Variants in CARMIL1 observed in about 807,000 individuals in gnomAD.
The protein encoded by CARMIL1 is capping protein regulator and myosin 1 linker 1.
A neutral mutation model predicts 177.1 loss-of-function variants in CARMIL1; 90 were observed. That is an observed-to-expected ratio of 0.51 (90% CI 0.43 to 0.61). The LOEUF (loss-of-function observed/expected upper bound fraction) is 0.61, where lower values mean the gene tolerates loss of function less well. CARMIL1 is among the 20% of genes least tolerant of loss of function. The pLI is 0.00. For synonymous variants in CARMIL1, 577 were observed against 606.2 expected (o/e 0.95, Z 0.71); for missense variants, 1,380 against 1,667.0 (o/e 0.83, Z 3.00).
chr6:25,400,911 A>G (rs1021088222), intron 2 of CARMIL1, among the ~76,000 whole-genome samples: 58 of 152,216 alleles, frequency 3.8e-4, no homozygotes, highest in Non-Finnish European at 1.6e-4. Context: ...GCCCAGACTC[A>G]TTGAGAAGAC....
At chr6:25,479,010 G>C in intron 11 of CARMIL1, 1 of 453,226 alleles carries the variant, frequency 2.2e-6, no homozygotes, top group Non-Finnish European at 4.3e-6. Context: ...TATAGAATTG[G>C]TAGAAATGTA....
intron 33 of CARMIL1, among the ~76,000 whole-genome samples, chr6:25,601,304 G>C (rs930952007): frequency 6.6e-6 from 1 of 152,282 alleles, no homozygotes; most frequent in East Asian, 1.9e-4. Context: ...TCTAACATAG[G>C]CTTTGAAGAC....
intron 24 of CARMIL1, among the ~76,000 whole-genome samples, chr6:25,532,705 C>T (rs1807892178): frequency 6.6e-6 from 1 of 152,108 alleles, no homozygotes; most frequent in African/African-American, 2.4e-5. Flanking sequence ...TGTCTGGTGA[C>T]TTTGATTAGG....
At chr6:25,377,760 A>C (rs1186355885) in intron 2 of CARMIL1, among the ~76,000 whole-genome samples, 1 of 152,216 alleles carries the variant, frequency 6.6e-6, no homozygotes, top group Admixed American at 6.5e-5. Flanking sequence ...GAGGTCACAC[A>C]TGACTTTTCT....
At chr6:25,609,115 G>T (rs1816267673) in intron 35 of CARMIL1, among the ~76,000 whole-genome samples, 1 of 152,082 alleles carries the variant, frequency 6.6e-6, no homozygotes, top group South Asian at 2.1e-4. Context: ...CCATGGGTTG[G>T]ACAAGCTTGT....
At chr6:25,358,802 A>G (rs1457530614) in intron 2 of CARMIL1, among the ~76,000 whole-genome samples, 2 of 152,236 alleles carry the variant, frequency 1.3e-5, no homozygotes, top group Admixed American at 6.5e-5. Context: ...CTGGGAATGC[A>G]CTGCAAAACA....
intron 26 of CARMIL1, among the ~76,000 whole-genome samples, chr6:25,542,793 T>TA (rs376893718): frequency 2.0e-5 from 3 of 152,068 alleles, no homozygotes; most frequent in South Asian, 2.1e-4. Flanking sequence ...CTTTTACTAT[T>TA]AAAAAAAATA....
At chr6:25,419,643 G>T (rs917465637) in intron 2 of CARMIL1, among the ~76,000 whole-genome samples, 2 of 152,180 alleles carry the variant, frequency 1.3e-5, no homozygotes, top group Non-Finnish European at 2.9e-5. Flanking sequence ...TTTGCTCTGT[G>T]CATTATATAA....
At chr6:25,417,606 C>T (rs542369358) in intron 2 of CARMIL1, among the ~76,000 whole-genome samples, 11 of 152,286 alleles carry the variant, frequency 7.2e-5, no homozygotes, top group Admixed American at 2.0e-4. Context: ...CCTACCTTCA[C>T]GGTAACTGAT....
Position 25,593,083 on chromosome 6 carries a change from A to G in CARMIL1, c.3007-1332A>G, listed in dbSNP as rs1814474875. Among the ~76,000 whole-genome samples the G allele has an allele frequency of 2.0e-5, 3 of 151,942 alleles. No individual in the cohort carries two copies. In the South Asian group the frequency reaches 6.2e-4, roughly 32 times the overall value. ...CTGGATTTCCCACAATACCTCAAAC[A>G]CTCAAGAAGATAAGATACAGCTTTT... On this transcript the variant is annotated intron_variant, in intron 31 of 36. Transcript: ENST00000329474.
chr6:25,292,323 G>T (rs557415961), intron 2 of CARMIL1, among the ~76,000 whole-genome samples: 11 of 152,186 alleles, frequency 7.2e-5, no homozygotes, highest in African/African-American at 2.7e-4. Context: ...TTGAGCTTTA[G>T]AAAACAGCAA....
At chr6:25,294,670 G>T (rs1474323024) in intron 2 of CARMIL1, among the ~76,000 whole-genome samples, 1 of 152,184 alleles carries the variant, frequency 6.6e-6, no homozygotes, top group Non-Finnish European at 1.5e-5. Context: ...TTTGAAGAAG[G>T]TTATCATACT....
rs1294829439 is a variant in CARMIL1 at position 25,509,807 on chromosome 6, C to G, written c.1477+70C>G. ...AGCAAGTTAATAAGGGGAAAATAAT[C>G]TTCTACCCAAATCCAAACAATAGCT... On this transcript the variant is annotated intron_variant, in intron 18 of 36. Transcript: ENST00000329474. The surrounding 1 kb of genome is among the most constrained non-coding windows in gnomAD (Gnocchi z 4.1). 6.4e-6 allele frequency: 7 copies of G among 1,087,022 alleles called. No individual in the cohort carries two copies. The highest frequency in any genetic ancestry group is 9.5e-6 in the Non-Finnish European group (7 of 737,516). 67.3% of individuals were successfully genotyped at this position (1,087,022 alleles called of 1,614,324 possible).
chr6:25,292,184 C>T (rs191396799), intron 2 of CARMIL1, among the ~76,000 whole-genome samples: 104 of 152,246 alleles, frequency 6.8e-4, no homozygotes, highest in Admixed American at 3.7e-3. Flanking sequence ...GCTCTTGTAC[C>T]AGTTGTTGGG....
At chr6:25,559,040 A>G (rs182261182) in intron 29 of CARMIL1, among the ~76,000 whole-genome samples, 97 of 152,300 alleles carry the variant, frequency 6.4e-4, no homozygotes, top group African/African-American at 2.3e-3. Flanking sequence ...TCGGGATTTT[A>G]TACTATTGAT....
chr6:25,482,182 G>C lies in CARMIL1; in HGVS notation c.875-75G>C, dbSNP rs1802178519. 4 of 720,986 alleles carry C rather than the reference G, an allele frequency of 5.5e-6. No individual in the cohort carries two copies. In the Admixed American group the frequency reaches 8.5e-5, roughly 15 times the overall value. The allele number at this position is 720,986 out of a possible 1,614,324, so 44.7% of individuals were successfully genotyped here. A position where few individuals can be genotyped will look rare whatever the true frequency, so the allele number is the denominator to read the frequency against. On this transcript the variant is annotated intron_variant, in intron 11 of 36. Coordinates refer to ENST00000329474, the MANE Select transcript of CARMIL1 (RefSeq NM_017640.6). ...TCACTTCAGTCAGAATCAAAATTAA[G>C]TTAATTTTCATCCATTGTAAAAAAT...
rs534717415 is a variant in CARMIL1 at position 25,563,931 on chromosome 6, T to A, written c.2742+7081T>A. Reference sequence around the variant, plus strand: ...TTGGTAACAACCCACTAGTGAGTCATGAAATCAGTATAATGGTTGCAACCA... The same window carrying A: ...TTGGTAACAACCCACTAGTGAGTCAAGAAATCAGTATAATGGTTGCAACCA... On this transcript the variant is annotated intron_variant, in intron 29 of 36. Transcript: ENST00000329474. 3.4e-5 allele frequency: 32 copies of A among 929,836 alleles called. No homozygotes were observed. The African/African-American group carries it at 5.5e-4, about 16-fold the overall frequency. 57.6% of individuals were successfully genotyped at this position (929,836 alleles called of 1,614,324 possible). A position where few individuals can be genotyped will look rare whatever the true frequency, so the allele number is the denominator to read the frequency against.
chr6:25,322,801 C>T (rs1326503928), intron 2 of CARMIL1, among the ~76,000 whole-genome samples: 2 of 152,158 alleles, frequency 1.3e-5, no homozygotes, highest in Non-Finnish European at 2.9e-5. Context: ...CTTTGCCCCT[C>T]CTTCTCAATA....
intron 2 of CARMIL1, among the ~76,000 whole-genome samples, chr6:25,394,763 A>G (rs1480924859): frequency 6.6e-6 from 1 of 152,254 alleles, no homozygotes; most frequent in African/African-American, 2.4e-5. Flanking sequence ...TGTACTTAAA[A>G]GAAACATTTA....
Sources: gnomAD v4.1 joint callset for allele counts (sites outside exome capture counted in the v4.1 genomes callset) on GRCh38, gnomAD v4.1.1 for gene constraint, Gnocchi (gnomAD v3.1) non-coding constraint, MANE v1.5 for transcripts, NCBI Gene and HGNC (gene_info 2026-07-23, HGNC 2026-07-21) for gene names.